VWA3B: variants seen among roughly 807,000 people sequenced by gnomAD.
The protein encoded by VWA3B is von Willebrand factor A domain containing 3B, also known as von Willebrand factor A domain-containing protein 3B.
Under a neutral mutation model 158.3 loss-of-function variants are expected in VWA3B, and 138 were observed. That is an observed-to-expected ratio of 0.87 (90% CI 0.76 to 1.00). The LOEUF (loss-of-function observed/expected upper bound fraction) is 1.00. Among genes scored for constraint, VWA3B ranks in the 50% least tolerant of loss-of-function variants. The pLI, the probability that VWA3B is intolerant of heterozygous loss-of-function variation, is 0.00. For missense variants in VWA3B, 1,555 were observed against 1,565.1 expected (o/e 0.99, Z 0.11); for synonymous variants, 596 against 587.3 (o/e 1.01, Z -0.21).
At chr2:98,096,360 C>G (rs544023419) in intron 2 of VWA3B, among the ~76,000 whole-genome samples, 1 of 152,210 alleles carries the variant, frequency 6.6e-6, no homozygotes, top group Admixed American at 6.5e-5. Context: ...CCTCTGCCTC[C>G]TGGGTTCAAG....
intron 22 of VWA3B, among the ~76,000 whole-genome samples, chr2:98,287,063 C>T (rs1243319161): frequency 6.6e-6 from 1 of 152,138 alleles, no homozygotes; most frequent in African/African-American, 2.4e-5. Context: ...CATTGCTGCA[C>T]TGCCACAGGA....
chr2:98,097,532 G>A (rs1682799042), intron 2 of VWA3B, among the ~76,000 whole-genome samples: 1 of 152,254 alleles, frequency 6.6e-6, no homozygotes, highest in East Asian at 1.9e-4. Context: ...TATCTTTGCA[G>A]TTGTGAATTA....
intron 22 of VWA3B, among the ~76,000 whole-genome samples, chr2:98,284,611 T>C (rs1157220412): frequency 6.6e-6 from 1 of 152,222 alleles, no homozygotes; most frequent in Non-Finnish European, 1.5e-5. Flanking sequence ...GGCAAATACA[T>C]AGCTATAGCT....
intron 10 of VWA3B, among the ~76,000 whole-genome samples, chr2:98,189,251 C>A (rs1183802474): frequency 6.6e-6 from 1 of 152,084 alleles, no homozygotes; most frequent in Non-Finnish European, 1.5e-5. Flanking sequence ...ACTAAAGATT[C>A]AAAAAATTAG....
chr2:98,128,209 A>G (rs772696248), intron 5 of VWA3B, 30 bp from the exon 6 acceptor site: 2 of 1,611,408 alleles, frequency 1.2e-6, no homozygotes, highest in South Asian at 2.2e-5. Flanking sequence ...CATGTGAGGG[A>G]GATAAACCGT....
At chr2:98,270,041 G>A (rs549533384) in intron 21 of VWA3B, among the ~76,000 whole-genome samples, 1 of 151,734 alleles carries the variant, frequency 6.6e-6, no homozygotes, top group Non-Finnish European at 1.5e-5. Flanking sequence ...AAGCAGCTCA[G>A]ACTGGAAACA....
chr2:98,298,731 G>A (rs1425270599), intron 24 of VWA3B, among the ~76,000 whole-genome samples: 1 of 152,240 alleles, frequency 6.6e-6, no homozygotes, highest in Non-Finnish European at 1.5e-5. Flanking sequence ...AGCTGCGAAT[G>A]CAGGGGTTTA....
At chr2:98,184,993 C>T (rs149584651) in intron 9 of VWA3B, among the ~76,000 whole-genome samples, 1 of 152,274 alleles carries the variant, frequency 6.6e-6, no homozygotes, top group African/African-American at 2.4e-5. Flanking sequence ...GACTTCAGTC[C>T]CATATGGAGG....
chr2:98,181,161 G>T lies in VWA3B; in HGVS notation c.1260G>T (p.Gly420=), dbSNP rs538264279. ...ACTGCTCTTTCCGCCACGCTGATGG[G>T]GTTGTGGATATAAAAGCCAAACCGG... is the stretch of plus-strand genomic sequence containing the variant. ...LADCSFRHAD[G]VVDIKAKPEN... The change falls in exon 9 of 28, where the codon GGG becomes GGT. Residue 420 remains glycine (G), a synonymous_variant. Coordinates refer to ENST00000477737, the MANE Select transcript of VWA3B (RefSeq NM_144992.5). The T allele has an allele frequency of 6.2e-7, 1 of 1,614,198 alleles. No homozygotes were observed. The highest frequency in any genetic ancestry group is 1.1e-5 in the South Asian group (1 of 91,080).
At chr2:98,094,211 A>G (rs1682555075) in intron 2 of VWA3B, among the ~76,000 whole-genome samples, 1 of 151,794 alleles carries the variant, frequency 6.6e-6, no homozygotes, top group African/African-American at 2.4e-5. Context: ...GTTTTGAGGA[A>G]CCTCCATACT....
At chr2:98,200,509 C>G (rs1682440617) in intron 12 of VWA3B, among the ~76,000 whole-genome samples, 1 of 148,510 alleles carries the variant, frequency 6.7e-6, no homozygotes, top group South Asian at 2.1e-4. Flanking sequence ...CGCCACTGCA[C>G]TCCAGCCTAG....
intron 7 of VWA3B, among the ~76,000 whole-genome samples, chr2:98,152,051 T>C (rs1057094203): frequency 1.3e-5 from 2 of 152,230 alleles, no homozygotes; most frequent in Non-Finnish European, 2.9e-5. Context: ...AATACTGTAC[T>C]GTTAAACTTT....
At position 98,250,315 on chromosome 2, in the gene VWA3B, C is replaced by T. The variant is rs762719621; in HGVS notation, c.2674-3C>T. The stretch of plus-strand genomic sequence containing the variant: ...TTTCCTTTCCTTTGCCATTGACATG[C>T]AGGTGTTCCCTCTGGCACATGTGTG... On this transcript the variant is annotated splice_region_variant and splice_polypyrimidine_tract_variant and intron_variant, in intron 19 of 27. Coordinates refer to ENST00000477737, the MANE Select transcript of VWA3B (RefSeq NM_144992.5). 4 of 1,607,776 alleles carry T rather than the reference C, an allele frequency of 2.5e-6. No individual in the cohort carries two copies. In the South Asian group the frequency reaches 3.3e-5, roughly 13 times the overall value.
intron 5 of VWA3B, among the ~76,000 whole-genome samples, chr2:98,124,758 A>G (rs1341408168): frequency 6.6e-6 from 1 of 152,194 alleles, no homozygotes; most frequent in Non-Finnish European, 1.5e-5. Flanking sequence ...GGCTCTGGCC[A>G]GTGGAGCAGA....
intron 6 of VWA3B, among the ~76,000 whole-genome samples, chr2:98,128,932 GC>G (rs1278274374): frequency 6.6e-6 from 1 of 152,218 alleles, no homozygotes; most frequent in Non-Finnish European, 1.5e-5. Flanking sequence ...CACTCCCTCT[GC>G]CTCCCGGCTG....
intron 14 of VWA3B, among the ~76,000 whole-genome samples, chr2:98,220,758 G>A (rs1056020996): frequency 6.6e-6 from 1 of 152,034 alleles, no homozygotes; most frequent in Admixed American, 6.6e-5. Flanking sequence ...AAGAAAATGT[G>A]GTACATATAC....
intron 3 of VWA3B, among the ~76,000 whole-genome samples, chr2:98,116,279 A>T (rs1019263029): frequency 6.6e-6 from 1 of 152,114 alleles, no homozygotes; most frequent in African/African-American, 2.4e-5. Flanking sequence ...ATATTTGTTC[A>T]TGTCTATGTA....
intron 22 of VWA3B, among the ~76,000 whole-genome samples, chr2:98,277,352 A>G (rs1165017165): frequency 1.3e-5 from 2 of 152,156 alleles, no homozygotes; most frequent in African/African-American, 4.8e-5. Context: ...AAGTTGCCGG[A>G]GGGCATCTGT....
chr2:98,281,034 C>A (rs1433200815), intron 22 of VWA3B, among the ~76,000 whole-genome samples: 1 of 152,214 alleles, frequency 6.6e-6, no homozygotes, highest in Non-Finnish European at 1.5e-5. Flanking sequence ...AATTCGTTTG[C>A]CATGGGCCAC....
Sources: gnomAD v4.1 joint callset for allele counts (sites outside exome capture counted in the v4.1 genomes callset) on GRCh38, gnomAD v4.1.1 for gene constraint, MANE v1.5 for transcripts, NCBI Gene and HGNC (gene_info 2026-07-23, HGNC 2026-07-21) for gene names.